Variants in DPYD observed in about 807,000 individuals in gnomAD.
The protein encoded by DPYD is dihydropyrimidine dehydrogenase.
In DPYD, 109 loss-of-function variants were observed where a neutral mutation model predicts 116.2. The ratio of observed to expected loss-of-function variants is 0.94; its 90% CI spans 0.80 to 1.10. The LOEUF is 1.10. Among genes scored for constraint, DPYD ranks in the 50% least tolerant of loss-of-function variants. The pLI is 0.00. For missense variants in DPYD, 1,302 were observed against 1,254.5 expected, an observed-to-expected ratio of 1.04 and a Z score of -0.57; for synonymous variants, 440 against 432.0, an observed-to-expected ratio of 1.02 and a Z score of -0.23.
intron 2 of DPYD, among the ~76,000 whole-genome samples, chr1:97,858,916 GCATAA>G (rs1670981269): frequency 6.6e-6 from 1 of 151,912 alleles, no homozygotes; most frequent in Admixed American, 6.6e-5. Flanking sequence ...TTTTGATTCA[GCATAA>G]CATGTCATGT....
intron 3 of DPYD, among the ~76,000 whole-genome samples, chr1:97,795,771 C>A (rs1386824053): frequency 6.6e-6 from 1 of 151,794 alleles, no homozygotes; most frequent in Middle Eastern, 3.2e-3. Flanking sequence ...AAAAATATGA[C>A]TCATTCTCTG....
At chr1:97,790,154 T>G (rs1038817566) in intron 3 of DPYD, among the ~76,000 whole-genome samples, 1 of 152,276 alleles carries the variant, frequency 6.6e-6, no homozygotes, top group South Asian at 2.1e-4. Flanking sequence ...ATCCCCACAC[T>G]GCTTACCATT....
chr1:97,087,110 A>G (rs1649571594), intron 21 of DPYD, among the ~76,000 whole-genome samples: 1 of 152,214 alleles, frequency 6.6e-6, no homozygotes, highest in Admixed American at 6.5e-5. Flanking sequence ...AAGCTGAATG[A>G]CGTTTGTAGG....
intron 18 of DPYD, among the ~76,000 whole-genome samples, chr1:97,297,251 C>T (rs889152629): frequency 5.9e-5 from 9 of 152,208 alleles, no homozygotes; most frequent in South Asian, 4.1e-4. Context: ...CCTTTCTCTT[C>T]TCTATTCTGA....
intron 3 of DPYD, among the ~76,000 whole-genome samples, chr1:97,808,212 A>T (rs1172515311): frequency 6.6e-6 from 1 of 152,174 alleles, no homozygotes; most frequent in Non-Finnish European, 1.5e-5. Flanking sequence ...AAGAACCAAC[A>T]TCTTGAGAAT....
At chr1:97,728,814 G>C (rs1663415624) in intron 4 of DPYD, among the ~76,000 whole-genome samples, 1 of 152,054 alleles carries the variant, frequency 6.6e-6, no homozygotes, top group Admixed American at 6.6e-5. Flanking sequence ...CATGCACACA[G>C]AACACTCTTT....
rs1429230121 is a variant in DPYD, at chr1:97,223,415, A to ACC, written c.2442+11436_2442+11437insGG. Among the ~76,000 whole-genome samples the ACC allele has an allele frequency of 4.0e-5, 6 of 151,566 alleles. No individual in the cohort carries two copies. The East Asian group carries it at 5.8e-4, about 15-fold the overall frequency. On this transcript the variant is annotated intron_variant, in intron 19 of 22. Coordinates refer to ENST00000370192, the MANE Select transcript of DPYD (RefSeq NM_000110.4). Reference sequence around the variant, plus strand: ...CACACACACACACACACACACACACACACAAACACACACACATCCATACAA... The same window carrying ACC: ...CACACACACACACACACACACACACACCCACAAACACACACACATCCATACAA...
At chr1:97,364,916 G>A (rs867503805) in intron 16 of DPYD, among the ~76,000 whole-genome samples, 10 of 152,006 alleles carry the variant, frequency 6.6e-5, no homozygotes, top group South Asian at 2.1e-4. Flanking sequence ...CTCACCTATC[G>A]CAGTTGGAAA....
chr1:97,615,641 A>C (rs1656218175), intron 8 of DPYD, among the ~76,000 whole-genome samples: 1 of 152,216 alleles, frequency 6.6e-6, no homozygotes, highest in Non-Finnish European at 1.5e-5. Flanking sequence ...ACAAAAAAAT[A>C]ACCTCCCAAA....
intron 18 of DPYD, among the ~76,000 whole-genome samples, chr1:97,291,575 A>G (rs1212859285): frequency 6.6e-6 from 1 of 152,154 alleles, no homozygotes; most frequent in African/African-American, 2.4e-5. Flanking sequence ...TTCTCAGTAA[A>G]CTATCGCAAG....
chr1:97,873,328 T>C (rs563320193), intron 2 of DPYD, among the ~76,000 whole-genome samples: 31 of 152,058 alleles, frequency 2.0e-4, no homozygotes, highest in Non-Finnish European at 4.4e-4. Flanking sequence ...TACTGAAAAG[T>C]GTGATGCAAT....
At chr1:97,530,860 T>C (rs565580945) in intron 12 of DPYD, among the ~76,000 whole-genome samples, 10 of 152,342 alleles carry the variant, frequency 6.6e-5, no homozygotes, top group African/African-American at 2.4e-4. Context: ...TTCATTTTCC[T>C]GATGATCAGT....
chr1:97,915,191 C>T (rs1330875445), intron 1 of DPYD, among the ~76,000 whole-genome samples: 1 of 152,012 alleles, frequency 6.6e-6, no homozygotes, highest in East Asian at 1.9e-4. Flanking sequence ...AGAAGCTGAC[C>T]ACAGTCACAC....
At chr1:97,525,978 AGTGTGTGTGTGTGTGTGTGTGT>A (rs71071658) in intron 12 of DPYD, among the ~76,000 whole-genome samples, 1 of 138,118 alleles carries the variant, frequency 7.2e-6, no homozygotes, top group Non-Finnish European at 1.5e-5. Flanking sequence ...GGTAATTAAG[AGTGTGTGTGTGTGTGTGTGTGT>A]GTGTGTGTGT....
chr1:97,571,244 C>A (rs923012354), intron 11 of DPYD, among the ~76,000 whole-genome samples: 1 of 151,948 alleles, frequency 6.6e-6, no homozygotes, highest in South Asian at 2.1e-4. Flanking sequence ...AAAGAAGCAG[C>A]AAGGTAATAG....
At chr1:97,663,769 C>T (rs899992329) in intron 8 of DPYD, among the ~76,000 whole-genome samples, 21 of 152,294 alleles carry the variant, frequency 1.4e-4, no homozygotes, top group African/African-American at 5.1e-4. Flanking sequence ...TGTCAGCACA[C>T]GTCTCTGGAA....
chr1:97,486,401 C>T (rs1678638002), intron 13 of DPYD, among the ~76,000 whole-genome samples: 1 of 152,082 alleles, frequency 6.6e-6, no homozygotes, highest in Non-Finnish European at 1.5e-5. Context: ...AAAGTTGGGG[C>T]CTCCAAAACT....
intron 12 of DPYD, among the ~76,000 whole-genome samples, chr1:97,530,675 T>C (rs573826571): frequency 1.5e-3 from 222 of 152,340 alleles, no homozygotes; most frequent in Non-Finnish European, 2.0e-3. Flanking sequence ...ATGATAGTTC[T>C]ATTTTAAATT....
At chr1:97,124,559 C>A (rs1445331703) in intron 20 of DPYD, among the ~76,000 whole-genome samples, 1 of 152,078 alleles carries the variant, frequency 6.6e-6, no homozygotes, top group Admixed American at 6.6e-5. Flanking sequence ...TTTCTTTTAA[C>A]ATGCTTTAGT....
Sources: gnomAD v4.1 joint callset for allele counts (sites outside exome capture counted in the v4.1 genomes callset) on GRCh38, gnomAD v4.1.1 for gene constraint, MANE v1.5 for transcripts, NCBI Gene and HGNC (gene_info 2026-07-23, HGNC 2026-07-21) for gene names.